The following PPP2R3B variants were observed in gnomAD, a reference collection of about 807,000 sequenced individuals.
The protein encoded by PPP2R3B is serine/threonine-protein phosphatase 2A regulatory subunit B'' subunit beta.
A neutral mutation model predicts 72.9 loss-of-function variants in PPP2R3B; 68 were observed. That is an observed-to-expected ratio of 0.93 (90% CI 0.77 to 1.14). PPP2R3B has a LOEUF of 1.14. Among genes scored for constraint, PPP2R3B ranks in the 50% most tolerant of loss-of-function variants. PPP2R3B has a pLI of 0.00. For synonymous variants in PPP2R3B, 466 were observed against 375.8 expected (o/e 1.24, Z -2.78); for missense variants, 1,018 against 842.0 (o/e 1.21, Z -2.59).
chrX:354,674 A>G (rs913829120), intron 2 of PPP2R3B, among the ~76,000 whole-genome samples: 10 of 152,126 alleles, frequency 6.6e-5, no homozygotes, highest in Non-Finnish European at 1.5e-4. Context: ...AACATAGCAG[A>G]ACCCTGTCTC....
At chrX:384,291 T>C (rs2072195771) in intron 1 of PPP2R3B, among the ~76,000 whole-genome samples, 1 of 149,980 alleles carries the variant, frequency 6.7e-6, no homozygotes, top group African/African-American at 2.5e-5. Flanking sequence ...TCTATATATA[T>C]ATATATACTT....
chrX:344,424 C>A (rs1253543069), intron 7 of PPP2R3B, among the ~76,000 whole-genome samples: 2 of 152,232 alleles, frequency 1.3e-5, no homozygotes, highest in African/African-American at 4.8e-5. Context: ...CTGCGGTCAC[C>A]GGTGTCCCTG....
At chrX:352,071 C>A (rs1287130001) in intron 2 of PPP2R3B, among the ~76,000 whole-genome samples, 1 of 152,160 alleles carries the variant, frequency 6.6e-6, no homozygotes, top group African/African-American at 2.4e-5. Context: ...CCACACCAAA[C>A]CCGAAAATTA....
At chrX:375,422 TCA>T (rs1262707840) in intron 1 of PPP2R3B, among the ~76,000 whole-genome samples, 2 of 145,638 alleles carry the variant, frequency 1.4e-5, no homozygotes, top group Non-Finnish European at 3.0e-5. Flanking sequence ...GGATGCAAAC[TCA>T]CAGGGCAGAG....
chrX:345,558 G>A lies in PPP2R3B; in HGVS notation c.994C>T (p.Leu332=), dbSNP rs2071184713. 1 of 1,613,138 alleles carries A rather than the reference G, an allele frequency of 6.2e-7. No homozygotes were observed. Among genetic ancestry groups the A allele is most frequent in the Admixed American group, 1.7e-5 (1 of 59,984 alleles). ...GCCAGGTCGTCCGCGTCGATGAGCA[G>A]GTCGTGGTCCGTGTCCAGCTCCCAG... ...KFWELDTDHD[L]LIDADDLARH... Residue 332 remains leucine, a synonymous_variant, in exon 7 of 13, where the codon CTG becomes TTG. Coordinates refer to ENST00000390665, the MANE Select transcript of PPP2R3B (RefSeq NM_013239.5).
intron 1 of PPP2R3B, among the ~76,000 whole-genome samples, chrX:365,150 T>C (rs868544849): frequency 2.6e-4 from 12 of 45,312 alleles, no homozygotes; most frequent in African/African-American, 7.7e-4. Flanking sequence ...GAGGCGGAGG[T>C]TGCAGTGAGC....
At chrX:360,890 G>A (rs2071523945) in intron 2 of PPP2R3B, among the ~76,000 whole-genome samples, 1 of 152,244 alleles carries the variant, frequency 6.6e-6, no homozygotes, top group Non-Finnish European at 1.5e-5. Context: ...CAGCTGAGAA[G>A]GAAAGCAGGC....
chrX:379,558 G>A (rs1049789653), intron 1 of PPP2R3B, among the ~76,000 whole-genome samples: 5 of 152,176 alleles, frequency 3.3e-5, no homozygotes, highest in African/African-American at 9.7e-5. Flanking sequence ...GCTGGCACCC[G>A]GTCTGATAAA....
chrX:335,123 G>A (rs1021837290), intron 12 of PPP2R3B: 16 of 152,346 alleles, frequency 1.1e-4, no homozygotes, highest in African/African-American at 1.7e-4. Flanking sequence ...AGCTCCCCGC[G>A]GTCACCCCCA....
intron 1 of PPP2R3B, among the ~76,000 whole-genome samples, chrX:366,743 A>T (rs112462370): frequency 1.5e-5 from 1 of 66,334 alleles, no homozygotes; most frequent in African/African-American, 6.1e-5. Context: ...CATGCCTGTA[A>T]TCCCAGCTAC....
At chrX:347,082 G>A (rs1209669713) in intron 4 of PPP2R3B, 152 bp downstream of exon 4, 21 of 910,662 alleles carry the variant, frequency 2.3e-5, no homozygotes, top group Non-Finnish European at 1.7e-5. Flanking sequence ...GTGTAGACGC[G>A]GGCCCTCCCA....
rs1257301329 is a variant in PPP2R3B, at chrX:338,806, T to C, written c.1442A>G (p.Glu481Gly). The C allele has an allele frequency of 6.2e-7, 1 of 1,612,438 alleles. No homozygotes were observed. ...GAGCAGGGAGATCTGCTCTTTCTGC[T>C]CGTGGTCGAGGTACTTCTCGATGTT... ...FFNIEKYLDHEQKEQISLLRD... is the reference protein window; with the variant it reads ...FFNIEKYLDHGQKEQISLLRD... The change falls in exon 11 of 13, where the codon GAG becomes GGG. Residue 481 changes from glutamate (E) to glycine (G), a missense_variant. Glu to Gly is a moderately conservative substitution (Grantham distance 98). Transcript: ENST00000390665.
At chrX:375,634 C>T (rs1425470653) in intron 1 of PPP2R3B, among the ~76,000 whole-genome samples, 1 of 152,268 alleles carries the variant, frequency 6.6e-6, no homozygotes, top group East Asian at 1.9e-4. Flanking sequence ...GAGGTGCCGC[C>T]CCTTCAGTTC....
intron 1 of PPP2R3B, among the ~76,000 whole-genome samples, chrX:378,570 T>C (rs1266547921): frequency 6.6e-6 from 1 of 152,204 alleles, no homozygotes; most frequent in Non-Finnish European, 1.5e-5. Flanking sequence ...AGGTGCCGTC[T>C]GCAGAGCACG....
intron 1 of PPP2R3B, among the ~76,000 whole-genome samples, chrX:363,947 T>C (rs1259888800): frequency 3.3e-5 from 5 of 152,224 alleles, no homozygotes; most frequent in Non-Finnish European, 7.3e-5. Context: ...CCAAGAACCC[T>C]GGACAGAATA....
chrX:340,270 G>C, intron 10 of PPP2R3B, among the ~76,000 whole-genome samples: 1 of 144,302 alleles, frequency 6.9e-6, no homozygotes. Context: ...TGCTCCCTCA[G>C]CCCAGTGCCA....
Position 363,353 on chromosome X carries a change from G to T in PPP2R3B, c.325-1763C>A, listed in dbSNP as rs1489109780. Among the ~76,000 whole-genome samples, 2 of 23,728 alleles carry T rather than the reference G, an allele frequency of 8.4e-5. 1 individual carries two copies. Among genetic ancestry groups the T allele is most frequent in the Admixed American group, 1.1e-3 (2 of 1,842 alleles). The allele number at this position is 23,728 out of a possible 152,430, so 15.6% of individuals were successfully genotyped here. A position where few individuals can be genotyped will look rare whatever the true frequency, so the allele number is the denominator to read the frequency against. ...ATCTCCCCGAGCCCACCATCCCGCA[G>T]TGCATCTCTCCGAGCCCACCATCCC... is the stretch of plus-strand genomic sequence containing the variant. On this transcript the variant is annotated intron_variant, in intron 1 of 12. Transcript: ENST00000390665.
intron 7 of PPP2R3B, chrX:344,890 G>A (rs1231917645): frequency 2.1e-5 from 7 of 336,810 alleles, no homozygotes; most frequent in Admixed American, 4.1e-5. Context: ...AGATGCCACC[G>A]TAATTCGGAA....
intron 2 of PPP2R3B, among the ~76,000 whole-genome samples, chrX:349,249 G>A (rs1417876884): frequency 3.3e-5 from 5 of 152,078 alleles, no homozygotes; most frequent in Non-Finnish European, 7.4e-5. Flanking sequence ...TCCACCCCGT[G>A]AGGACGCAGC....
Sources: allele counts gnomAD v4.1 joint callset (sites outside exome capture counted in the v4.1 genomes callset), GRCh38; gene constraint gnomAD v4.1.1; transcripts MANE v1.5; gene names NCBI Gene and HGNC (gene_info 2026-07-23, HGNC 2026-07-21).